The following TBC1D26 variants were observed in gnomAD, a reference collection of about 807,000 sequenced individuals.
TBC1D26 encodes TBC1 domain family member 26, also known as TBC1 domain family, member 26.
Under a neutral mutation model 42.5 loss-of-function variants are expected in TBC1D26, and 19 were observed. That is an observed-to-expected ratio of 0.45 (90% CI 0.31 to 0.66). The LOEUF (loss-of-function observed/expected upper bound fraction) is 0.66. Ranked by LOEUF, TBC1D26 falls within the 30% of genes least tolerant of loss-of-function variation. The pLI is 0.06. For synonymous variants in TBC1D26, 97 were observed against 123.5 expected, an observed-to-expected ratio of 0.79 and a Z score of 1.42; for missense variants, 228 against 332.6, an observed-to-expected ratio of 0.69 and a Z score of 2.45.
Position 15,739,967 on chromosome 17 carries a change from A to G in TBC1D26, c.498-133A>G, listed in dbSNP as rs577188156. On this transcript the variant is annotated intron_variant, in intron 8 of 14. Transcript: ENST00000437605. The stretch of plus-strand genomic sequence containing the variant: ...AAATTCCTAAAAACTCAGGTGTCCT[A>G]AAGAGCTCACTGCTTATTTGGGGGG... 1.1e-3 allele frequency: 1,260 copies of G among 1,130,106 alleles called. 5 individuals carry two copies. In the African/African-American group the frequency reaches 0.018, roughly 16 times the overall value. 70.0% of individuals were successfully genotyped at this position (1,130,106 alleles called of 1,614,324 possible).
At chr17:15,732,569 GT>G in intron 1 of TBC1D26, among the ~76,000 whole-genome samples, 185 bp downstream of exon 1, 1 of 150,578 alleles carries the variant, frequency 6.6e-6, no homozygotes, top group South Asian at 2.2e-4. Context: ...CATTCCACAA[GT>G]GAGATGTCTA....
At chr17:15,735,119 G>T (rs1354479906) in intron 2 of TBC1D26, 49 bp downstream of exon 2, 19 of 596,894 alleles carry the variant, frequency 3.2e-5, no homozygotes, top group Non-Finnish European at 5.7e-5. Flanking sequence ...TCTCTGTCCA[G>T]GTTCCCGTGT....
At chr17:15,735,925 T>C (rs1967602455) in intron 4 of TBC1D26, 1 of 649,750 alleles carries the variant, frequency 1.5e-6, no homozygotes. Flanking sequence ...AGCAGGCCCG[T>C]GGGCTCTCAG....
At position 15,740,121 on chromosome 17, in the gene TBC1D26, C is replaced by T. The variant is rs752084919; in HGVS notation, c.519C>T (p.Ile173=). 1.2e-6 allele frequency: 2 copies of T among 1,613,828 alleles called. No individual in the cohort carries two copies. The highest frequency in any genetic ancestry group is 1.6e-4 in the Middle Eastern group (1 of 6,062). ...CTAGGCAGCAGGAATTATGTGACATCCTCGTGGCCTATTCTGCATATAACC... is the reference window on the plus strand; with the variant it reads ...CTAGGCAGCAGGAATTATGTGACATTCTCGTGGCCTATTCTGCATATAACC... ...FGVKQQELCD[I]LVAYSAYNPE... is the part of the protein sequence containing the mutation. The change falls in exon 9 of 15, where the codon ATC becomes ATT. Residue 173 remains isoleucine, a synonymous_variant. Transcript: ENST00000437605.
intron 13 of TBC1D26, among the ~76,000 whole-genome samples, 165 bp from the exon 14 acceptor site, chr17:15,743,202 C>T (rs1463613500): frequency 3.3e-5 from 5 of 152,092 alleles, no homozygotes; most frequent in Non-Finnish European, 5.9e-5. Context: ...TGAGCACTTC[C>T]CTGCCCTGCC....
At chr17:15,740,503 G>A in intron 9 of TBC1D26, 1 of 1,236,610 alleles carries the variant, frequency 8.1e-7, no homozygotes, top group Non-Finnish European at 1.0e-6. Context: ...TGCATCCTGG[G>A]GGAGCCTCTT....
At position 15,735,269 on chromosome 17, in the gene TBC1D26, G is replaced by A. The variant is rs562193446; in HGVS notation, c.-1-79G>A. ...GGGCTCACCAGACTGGAGTGTGTCTGGGAGTGCAGTGCGTGTGGTTTGGCT... is the reference window on the plus strand; with the variant it reads ...GGGCTCACCAGACTGGAGTGTGTCTAGGAGTGCAGTGCGTGTGGTTTGGCT... On this transcript the variant is annotated intron_variant, in intron 2 of 14. Coordinates refer to ENST00000437605, the MANE Select transcript of TBC1D26 (RefSeq NM_001388465.1). The A allele has an allele frequency of 2.2e-5, 24 of 1,108,012 alleles. No individual in the cohort carries two copies. In the African/African-American group the frequency reaches 3.4e-4, roughly 16 times the overall value. 68.6% of individuals were successfully genotyped at this position (1,108,012 alleles called of 1,614,324 possible).
rs201828456 is a variant in TBC1D26, at chr17:15,735,369, G to A, written c.21G>A (p.Pro7=). 44 of 1,613,882 alleles carry A rather than the reference G, an allele frequency of 2.7e-5. No individual in the cohort carries two copies. Among genetic ancestry groups the A allele is most frequent in the African/African-American group, 5.3e-5 (4 of 75,006 alleles). MEMDGD[P]YNLPAQGQGN... ...GCAGGATGGAGATGGATGGGGACCC[G>A]TATAACCTGCCTGCCCAGGGGCAAG... Residue 7 remains proline (P), a synonymous_variant, in exon 3 of 15, where the codon CCG becomes CCA. Transcript: ENST00000437605.
intron 8 of TBC1D26, among the ~76,000 whole-genome samples, chr17:15,739,559 T>C (rs1207185081): frequency 2.6e-5 from 4 of 152,238 alleles, no homozygotes; most frequent in Non-Finnish European, 4.4e-5. Flanking sequence ...TAGATGAGTA[T>C]TGCTGAGGGA....
chr17:15,733,154 ATCAGGGGCCTGATCAGTGAGGACCTAG>A (rs1967524869), intron 1 of TBC1D26, among the ~76,000 whole-genome samples: 1 of 151,218 alleles, frequency 6.6e-6, no homozygotes. Context: ...GAGCCTGGTC[ATCAGGGGCCTGATCAGTGAGGACCTAG>A]TCAGAAGGCC....
Position 15,735,423 on chromosome 17 carries a change from G to A in TBC1D26, c.75G>A (p.Gln25=), listed in dbSNP as rs1967587635. Residue 25 remains glutamine (Q), a splice_region_variant and synonymous_variant, in exon 3 of 15, where the codon CAG becomes CAA. Coordinates refer to ENST00000437605, the MANE Select transcript of TBC1D26 (RefSeq NM_001388465.1). ...ATATCATCATTACTAAGTATGAGCAGGTACAAGTTGGGCCGCTCCCTCAAG... is the reference window on the plus strand; with the variant it reads ...ATATCATCATTACTAAGTATGAGCAAGTACAAGTTGGGCCGCTCCCTCAAG... ...QGNIIITKYE[Q]GHRAGAAVDL... 6.2e-7 allele frequency: 1 copy of A among 1,612,680 alleles called. No homozygotes were observed. Among genetic ancestry groups the A allele is most frequent in the African/African-American group, 1.3e-5 (1 of 74,720 alleles).
At chr17:15,738,100 C>T (rs1244794192) in intron 6 of TBC1D26, 23 bp downstream of exon 6, 12 of 1,613,986 alleles carry the variant, frequency 7.4e-6, no homozygotes, top group South Asian at 4.4e-5. Flanking sequence ...GGAAGTGGCC[C>T]GCGTGACTGC....
intron 7 of TBC1D26, 83 bp downstream of exon 7, chr17:15,738,470 G>A (rs1248195328): frequency 7.8e-6 from 12 of 1,534,018 alleles, no homozygotes; most frequent in African/African-American, 1.4e-5. Context: ...AGGGAACGTT[G>A]AGCCTGGGTT....
At chr17:15,744,020 A>G (rs1967858873) in intron 14 of TBC1D26, among the ~76,000 whole-genome samples, 1 of 151,936 alleles carries the variant, frequency 6.6e-6, no homozygotes, top group Admixed American at 6.6e-5. Flanking sequence ...AGGGGGCTGA[A>G]CTATTCAGAA....
chr17:15,743,589 G>A (rs547673473), intron 14 of TBC1D26, 73 bp downstream of exon 14: 12 of 525,304 alleles, frequency 2.3e-5, no homozygotes, highest in Middle Eastern at 6.4e-4. Flanking sequence ...CCGTGGCCCC[G>A]CCAGCCCTCC....
At position 15,743,419 on chromosome 17, in the gene TBC1D26, C is replaced by A. The variant is rs181598719; in HGVS notation, c.960C>A (p.Leu320=). The change falls in exon 14 of 15, where the codon CTC becomes CTA. Residue 320 remains leucine (L), a synonymous_variant. Transcript: ENST00000437605. ...CTGTCTGGGAGTTTCAGGAGCGACT[C>A]TCTCAGAGCTGGGCCCTGGAGGACA... is the stretch of plus-strand genomic sequence containing the variant. The part of the protein sequence containing the change: ...WSTVWEFQER[L]SQSWALEDNA... 6,841 of 986,576 alleles carry A rather than the reference C, an allele frequency of 6.9e-3. 29 individuals carry two copies. The highest frequency in any genetic ancestry group is 7.6e-3 in the Non-Finnish European group (6,281 of 830,334). The allele number at this position is 986,576 out of a possible 1,614,324, so 61.1% of individuals were successfully genotyped here. A position where few individuals can be genotyped will look rare whatever the true frequency, so the allele number is the denominator to read the frequency against.
At chr17:15,741,649 C>T in intron 10 of TBC1D26, 4 of 497,612 alleles carry the variant, frequency 8.0e-6, no homozygotes, top group Non-Finnish European at 1.4e-5. Context: ...CTGACCCCCA[C>T]ATCCAAGAGA....
rs1233660116 is a variant in TBC1D26 at position 15,733,449 on chromosome 17, G to A, written c.-143+1065G>A. Among the ~76,000 whole-genome samples the A allele has an allele frequency of 3.9e-5, 6 of 152,186 alleles. 1 individual carries two copies. The highest frequency in any genetic ancestry group is 2.1e-4 in the South Asian group (1 of 4,830). On this transcript the variant is annotated intron_variant, in intron 1 of 14. Coordinates refer to ENST00000437605, the MANE Select transcript of TBC1D26 (RefSeq NM_001388465.1). ...TGAGTTCCCCCTAATGAGGGGCCCT[G>A]TCCTGTGCCCTCTACCCCCTAGCCC... is the stretch of plus-strand genomic sequence containing the variant.
At chr17:15,741,469 C>G in intron 10 of TBC1D26, 1 of 596,246 alleles carries the variant, frequency 1.7e-6, no homozygotes, top group South Asian at 2.1e-5. Flanking sequence ...GATACCTCCC[C>G]CTGGCTGCCC....
Sources: gnomAD v4.1 joint callset for allele counts (sites outside exome capture counted in the v4.1 genomes callset) on GRCh38, gnomAD v4.1.1 for gene constraint, MANE v1.5 for transcripts, NCBI Gene and HGNC (gene_info 2026-07-23, HGNC 2026-07-21) for gene names.